Variants in ZNF317 observed in about 807,000 individuals in gnomAD.
ZNF317 encodes the protein KRAB-containing zinc finger protein 317.
ZNF317 carries 17 observed loss-of-function variants against 23.4 expected under a neutral mutation model. The observed-to-expected ratio is 0.73, with a 90% CI of 0.50 to 1.09. The LOEUF (loss-of-function observed/expected upper bound fraction) is 1.09. Ranked by LOEUF, ZNF317 falls within the 50% of genes least tolerant of loss-of-function variation. The pLI, the probability that ZNF317 is intolerant of heterozygous loss-of-function variation, is 0.00. For missense variants in ZNF317, 679 were observed against 796.7 expected (o/e 0.85, Z 1.78); for synonymous variants, 317 against 314.9 (o/e 1.01, Z -0.07).
chr19:9,160,042 T>TGTGGGGATGACGCTTAGG lies in ZNF317; in HGVS notation c.469-69_469-52dup, dbSNP rs2050829424. On this transcript the variant is annotated intron_variant, in intron 6 of 6. Transcript: ENST00000247956. The surrounding 1 kb of genome is among the most constrained non-coding windows in gnomAD (Gnocchi z 6.8). ...GCTTCTATCTGTTCATAGCAGTGTA[T>TGTGGGGATGACGCTTAGG]GTGGGGATGACGCTTAGGGTTGCAA... The TGTGGGGATGACGCTTAGG allele has an allele frequency of 6.3e-7, 1 of 1,588,152 alleles. No homozygotes were observed. The highest frequency in any genetic ancestry group is 8.6e-7 in the Non-Finnish European group (1 of 1,164,824).
chr19:9,152,464 A>G (rs1214950361), intron 1 of ZNF317, among the ~76,000 whole-genome samples: 5 of 152,198 alleles, frequency 3.3e-5, no homozygotes, highest in African/African-American at 1.2e-4. Context: ...CCCATCACTC[A>G]CATTACCCCT....
chr19:9,158,363 C>CTTTTTTTTTTTTT lies in ZNF317; in HGVS notation c.385+304_385+316dup, dbSNP rs200591339. On this transcript the variant is annotated intron_variant, in intron 5 of 6. Transcript: ENST00000247956. Reference sequence around the variant, plus strand: ...CTGAATTGCCTTAAATTTCTTTTTTCTTTTTTTTTTTTTTTTTTTTTTTTT... The same window carrying CTTTTTTTTTTTTT: ...CTGAATTGCCTTAAATTTCTTTTTTCTTTTTTTTTTTTTTTTTTTTTTTTTTTTTTTTTTTTTT... 4.8e-3 allele frequency among the ~76,000 whole-genome samples: 370 copies of CTTTTTTTTTTTTT among 76,534 alleles called. 77 individuals are homozygous for CTTTTTTTTTTTTT. Among genetic ancestry groups the CTTTTTTTTTTTTT allele is most frequent in the African/African-American group, 0.01 (159 of 15,670 alleles). 50.2% of individuals were successfully genotyped at this position (76,534 alleles called of 152,430 possible).
intron 1 of ZNF317, among the ~76,000 whole-genome samples, chr19:9,141,223 T>C (rs2050626976): frequency 6.6e-6 from 1 of 152,182 alleles, no homozygotes. Flanking sequence ...TCCTTTCCTA[T>C]GCACATATTT....
At chr19:9,153,957 G>A (rs1346735590) in intron 1 of ZNF317, among the ~76,000 whole-genome samples, 2 of 152,166 alleles carry the variant, frequency 1.3e-5, no homozygotes, top group African/African-American at 4.8e-5. Context: ...GCCAGGGCAG[G>A]CATTGGTTTC....
At position 9,160,006 on chromosome 19, in the gene ZNF317, C is replaced by T; in HGVS notation, c.469-108C>T. ...CACGGCAGATGGTTACAGCTCTAGTCATAGTAATGTGCTTCTATCTGTTCA... is the reference window on the plus strand; with the variant it reads ...CACGGCAGATGGTTACAGCTCTAGTTATAGTAATGTGCTTCTATCTGTTCA... On this transcript the variant is annotated intron_variant, in intron 6 of 6. Coordinates refer to ENST00000247956, the MANE Select transcript of ZNF317 (RefSeq NM_020933.5). This position sits in a 1 kb window ranked among gnomAD's most constrained non-coding sequence, Gnocchi z 6.8. 2 of 1,497,622 alleles carry T rather than the reference C, an allele frequency of 1.3e-6. No homozygotes were observed. The highest frequency in any genetic ancestry group is 1.3e-5 in the South Asian group (1 of 79,188). 92.8% of individuals were successfully genotyped at this position (1,497,622 alleles called of 1,614,324 possible).
rs1289094556 is a variant in ZNF317, at chr19:9,160,968, T to C, written c.1323T>C (p.Thr441=). The change falls in exon 7 of 7, where the codon ACT becomes ACC. Residue 441 remains threonine, a synonymous_variant. Coordinates refer to ENST00000247956, the MANE Select transcript of ZNF317 (RefSeq NM_020933.5). The surrounding 1 kb of genome is among the most constrained non-coding windows in gnomAD (Gnocchi z 6.8). Reference sequence around the variant, plus strand: ...TTAAGACTCACATGAACTCTCACACTGGAGAGAAACCATACGGGTGCGATC... The same window carrying C: ...TTAAGACTCACATGAACTCTCACACCGGAGAGAAACCATACGGGTGCGATC... ...SILKTHMNSH[T]GEKPYGCDLC... 1 of 1,613,974 alleles carries C rather than the reference T, an allele frequency of 6.2e-7. No individual in the cohort carries two copies. Among genetic ancestry groups the C allele is most frequent in the Non-Finnish European group, 8.5e-7 (1 of 1,180,022 alleles).
At chr19:9,147,658 A>G (rs956903589) in intron 1 of ZNF317, among the ~76,000 whole-genome samples, 2 of 152,030 alleles carry the variant, frequency 1.3e-5, no homozygotes, top group African/African-American at 4.8e-5. Flanking sequence ...TGTTTCATGT[A>G]TCATGTAGAA....
intron 1 of ZNF317, among the ~76,000 whole-genome samples, chr19:9,152,429 G>A (rs2050743741): frequency 6.6e-6 from 1 of 152,214 alleles, no homozygotes; most frequent in South Asian, 2.1e-4. Context: ...AGTGAGTGAA[G>A]CTTCATCTGT....
chr19:9,157,886 G>T, intron 4 of ZNF317, 94 bp from the exon 5 acceptor site: 1 of 1,444,154 alleles, frequency 6.9e-7, no homozygotes. Context: ...TCCACCCTCA[G>T]AACACTGAAG....
chr19:9,155,939 A>G lies in ZNF317; in HGVS notation c.-78A>G, dbSNP rs1405730509. On this transcript the variant is annotated 5_prime_UTR_variant, in exon 2 of 7. Transcript: ENST00000247956. Reference sequence around the variant, plus strand: ...ATTTGCTACAGATGCCAGCTTGGAGAGTCACGTGAGAGCAAGAGAGTAGCT... The same window carrying G: ...ATTTGCTACAGATGCCAGCTTGGAGGGTCACGTGAGAGCAAGAGAGTAGCT... The G allele has an allele frequency of 1.3e-5, 20 of 1,560,612 alleles. No homozygotes were observed. The highest frequency in any genetic ancestry group is 1.6e-5 in the Non-Finnish European group (18 of 1,131,576).
intron 1 of ZNF317, among the ~76,000 whole-genome samples, chr19:9,148,380 T>C (rs559930225): frequency 3.9e-5 from 6 of 152,332 alleles, no homozygotes; most frequent in African/African-American, 1.4e-4. Context: ...GGGTGCGCTC[T>C]CTAAGCTCCA....
At chr19:9,150,522 C>T (rs922249996) in intron 1 of ZNF317, among the ~76,000 whole-genome samples, 4 of 152,076 alleles carry the variant, frequency 2.6e-5, no homozygotes, top group Non-Finnish European at 4.4e-5. Context: ...TCAGCACCTC[C>T]AAATGGTGGG....
intron 1 of ZNF317, among the ~76,000 whole-genome samples, chr19:9,142,606 C>CA (rs1019286367): frequency 2.8e-5 from 4 of 143,358 alleles, no homozygotes; most frequent in African/African-American, 1.1e-4. Context: ...CTGTTTGATA[C>CA]AAAATCTATA....
intron 1 of ZNF317, among the ~76,000 whole-genome samples, chr19:9,152,354 C>T (rs2050743115): frequency 1.3e-5 from 2 of 152,312 alleles, no homozygotes; most frequent in South Asian, 4.1e-4. Context: ...CCCTGGGCCA[C>T]AGACAGGTAC....
chr19:9,157,139 GAGCCCCGTAGC>G, intron 3 of ZNF317, 118 bp from the exon 4 acceptor site: 1 of 1,147,786 alleles, frequency 8.7e-7, no homozygotes, highest in Admixed American at 2.4e-5. Context: ...AGGAAATGTT[GAGCCCCGTAGC>G]AGGCCATCTG....
At chr19:9,159,006 C>A in intron 6 of ZNF317, 98 bp downstream of exon 6, 1 of 796,576 alleles carries the variant, frequency 1.3e-6, no homozygotes, top group Non-Finnish European at 2.2e-6. Context: ...GGGCAAGCAG[C>A]TTCCCTCAGA....
intron 1 of ZNF317, among the ~76,000 whole-genome samples, chr19:9,148,685 TATC>T (rs145952701): frequency 0.067 from 10,125 of 152,216 alleles, 346 homozygotes; most frequent in Middle Eastern, 0.13. Context: ...GTGAATGAAA[TATC>T]ATCAAAGTAA....
In ZNF317 at chr19:9,156,705, T is replaced by G. The variant is rs1281832402; in HGVS notation, c.119T>G (p.Val40Gly). 9.3e-6 allele frequency: 15 copies of G among 1,614,214 alleles called. No individual in the cohort carries two copies. The highest frequency in any genetic ancestry group is 9.3e-6 in the Non-Finnish European group (11 of 1,180,036). Residue 40 changes from valine to glycine, a missense_variant, in exon 3 of 7, where the codon GTG (valine) becomes GGG (glycine). Physicochemically the swap from Val to Gly is moderately radical, Grantham distance 109. Transcript: ENST00000247956. ...TGTCCCCAGAATTTGGACCTGTTCG[T>G]GTGCAGTGGTCTGGAGCCTCACACA... ...HSCPQNLDLF[V>G]CSGLEPHTPS...
chr19:9,157,336 T>A lies in ZNF317; in HGVS notation c.231T>A (p.Ser77=), dbSNP rs139340766. The A allele has an allele frequency of 5.0e-6, 8 of 1,614,020 alleles. No homozygotes were observed. Among genetic ancestry groups the A allele is most frequent in the African/African-American group, 1.3e-5 (1 of 74,914 alleles). Residue 77 remains serine, a synonymous_variant, in exon 4 of 7, where the codon TCT becomes TCA. Transcript: ENST00000247956. Reference sequence around the variant, plus strand: ...AGGAGTGGCCCTTGCTGGATTCTTCTCAGAGAAAACTGTACAAAGATGTAA... The same window carrying A: ...AGGAGTGGCCCTTGCTGGATTCTTCACAGAGAAAACTGTACAAAGATGTAA... ...TEKEWPLLDS[S]QRKLYKDVML... is the part of the protein sequence containing the mutation.
Sources: allele counts gnomAD v4.1 joint callset (sites outside exome capture counted in the v4.1 genomes callset), GRCh38; gene constraint gnomAD v4.1.1; non-coding constraint Gnocchi (gnomAD v3.1); transcripts MANE v1.5; gene names NCBI Gene and HGNC (gene_info 2026-07-23, HGNC 2026-07-21).